Variants in ANO4 observed in about 807,000 individuals in gnomAD.
ANO4 encodes the protein anoctamin-4.
A neutral mutation model predicts 141.9 loss-of-function variants in ANO4; 69 were observed. The ratio of observed to expected loss-of-function variants is 0.49; its 90% CI spans 0.40 to 0.59. ANO4 has a LOEUF of 0.59. ANO4 is among the 20% of genes least tolerant of loss of function. The probability of loss-of-function intolerance (pLI) is 0.00; values close to 1 mark genes in which losing one functional copy is unlikely to be tolerated. For synonymous variants in ANO4, 350 were observed against 394.3 expected, an observed-to-expected ratio of 0.89 and a Z score of 1.33; for missense variants, 894 against 1,162.2, an observed-to-expected ratio of 0.77 and a Z score of 3.36.
rs182218427 is a variant in ANO4 at position 100,948,667 on chromosome 12, G to A, written c.456+6132G>A. 1.3e-3 allele frequency among the ~76,000 whole-genome samples: 200 copies of A among 152,222 alleles called. 1 individual carries two copies. The highest frequency in any genetic ancestry group is 4.8e-3 in the African/African-American group (198 of 41,550). On this transcript the variant is annotated intron_variant, in intron 5 of 27. Transcript: ENST00000392977. ...ATATTGTAGATGGTATTACAAATTT[G>A]ACAAAAATTGTGAAGGTGGCCCGCG...
chr12:100,791,126 C>T (rs1283462124), upstream of ANO4, among the ~76,000 whole-genome samples: 1 of 152,128 alleles, frequency 6.6e-6, no homozygotes, highest in Non-Finnish European at 1.5e-5. Flanking sequence ...TGCCTGTAAT[C>T]CTAGCACTTT....
At chr12:100,833,302 A>G (rs939608820) in intron 1 of ANO4, among the ~76,000 whole-genome samples, 1 of 152,182 alleles carries the variant, frequency 6.6e-6, no homozygotes, top group African/African-American at 2.4e-5. Flanking sequence ...ATGCAGCTCA[A>G]GATAAACATT....
chr12:100,731,278 C>T (rs563917563), intron 1 of ANO4, among the ~76,000 whole-genome samples: 1 of 152,294 alleles, frequency 6.6e-6, no homozygotes, highest in South Asian at 2.1e-4. Flanking sequence ...TTTAATATGA[C>T]TCTTGTAACC....
chr12:101,073,595 T>TAATAAA (rs1392541869), intron 14 of ANO4, among the ~76,000 whole-genome samples: 1 of 146,556 alleles, frequency 6.8e-6, no homozygotes, highest in African/African-American at 2.5e-5. Flanking sequence ...ATAATAATAA[T>TAATAAA]AAAAGAAAAT....
rs528153460 is a variant in ANO4 at position 101,085,390 on chromosome 12, A to G, written c.1537-1270A>G. On this transcript the variant is annotated intron_variant, in intron 16 of 27. Transcript: ENST00000392977. ...TGGAAATTTTTTTTAAAAAAAGGTT[A>G]GTTGTAGCTGTACTGAACATGTACA... is the stretch of plus-strand genomic sequence containing the variant. Among the ~76,000 whole-genome samples, 99 of 152,328 alleles carry G rather than the reference A, an allele frequency of 6.5e-4. 1 individual carries two copies. Among genetic ancestry groups the G allele is most frequent in the Middle Eastern group, 6.8e-3 (2 of 294 alleles).
intron 8 of ANO4, among the ~76,000 whole-genome samples, chr12:101,001,740 A>G (rs1592980031): frequency 6.6e-6 from 1 of 152,124 alleles, no homozygotes; most frequent in South Asian, 2.1e-4. Flanking sequence ...AAACACCCTG[A>G]GCAGCTGGGG....
At position 101,105,784 on chromosome 12, in the gene ANO4, G is replaced by A. The variant is rs144413213; in HGVS notation, c.2150-4620G>A. Among the ~76,000 whole-genome samples the A allele has an allele frequency of 3.7e-3, 568 of 152,236 alleles. 7 individuals carry two copies. Among genetic ancestry groups the A allele is most frequent in the African/African-American group, 0.013 (542 of 41,558 alleles). On this transcript the variant is annotated intron_variant, in intron 22 of 27. Coordinates refer to ENST00000392977, the MANE Select transcript of ANO4 (RefSeq NM_001286615.2). ...AAATCTATAAAATAACTCTAGAATT[G>A]CAAAATATAAATCTGGAATTAAGAA...
intron 1 of ANO4, chr12:100,885,570 T>C (rs1379828792): frequency 6.6e-6 from 1 of 152,226 alleles, no homozygotes; most frequent in Non-Finnish European, 1.5e-5. Flanking sequence ...TCTCTGTAAC[T>C]CAGTTTTCTC....
chr12:100,933,190 T>C (rs529366644), intron 3 of ANO4, among the ~76,000 whole-genome samples: 1 of 152,166 alleles, frequency 6.6e-6, no homozygotes, highest in East Asian at 1.9e-4. Flanking sequence ...TACATAGGTA[T>C]ACATGTGCCA....
chr12:101,086,935 A>G (rs982507611), intron 17 of ANO4, 111 bp downstream of exon 17: 1 of 1,244,644 alleles, frequency 8.0e-7, no homozygotes, highest in African/African-American at 1.5e-5. Context: ...CCATTCACAT[A>G]GCACTGATGT....
At chr12:100,743,271 TA>T (rs2031955739) in intron 3 of ANO4, among the ~76,000 whole-genome samples, 1 of 150,412 alleles carries the variant, frequency 6.6e-6, no homozygotes, top group East Asian at 1.9e-4. Flanking sequence ...TAAAATATTT[TA>T]AAATATATAT....
rs182306285 is a variant in ANO4, at chr12:100,914,889, A to G, written c.56-7337A>G. On this transcript the variant is annotated intron_variant, in intron 2 of 27. Coordinates refer to ENST00000392977, the MANE Select transcript of ANO4 (RefSeq NM_001286615.2). ...GAGTGCAGTGGCATGATCATAGCTC[A>G]CTTCAGCCTCAAACTCCTGGGCTCA... Among the ~76,000 whole-genome samples the G allele has an allele frequency of 2.0e-5, 3 of 152,146 alleles. No individual in the cohort carries two copies. In the South Asian group the frequency reaches 6.2e-4, roughly 32 times the overall value.
chr12:101,097,593 A>G (rs2050034895), intron 19 of ANO4, 58 bp from the exon 20 acceptor site: 1 of 1,504,972 alleles, frequency 6.6e-7, no homozygotes, highest in East Asian at 2.3e-5. Flanking sequence ...TAAATGTAAT[A>G]TTCGCTGAAA....
chr12:100,954,979 G>A (rs1365553070), intron 5 of ANO4, among the ~76,000 whole-genome samples: 2 of 152,124 alleles, frequency 1.3e-5, no homozygotes, highest in Non-Finnish European at 2.9e-5. Flanking sequence ...GGAAAGACAA[G>A]CTAAAAATTC....
At chr12:100,970,667 T>TCCCTC (rs1409594799) in intron 5 of ANO4, among the ~76,000 whole-genome samples, 1 of 20,216 alleles carries the variant, frequency 4.9e-5, no homozygotes, top group East Asian at 2.7e-3. Context: ...CTCCCTCTCC[T>TCCCTC]TCCTTCCTTC....
chr12:101,070,294 G>A (rs776111659), intron 14 of ANO4, among the ~76,000 whole-genome samples: 1 of 151,924 alleles, frequency 6.6e-6, no homozygotes, highest in Non-Finnish European at 1.5e-5. Flanking sequence ...AACCAAAAAG[G>A]CCAAGTACTA....
At chr12:100,908,357 A>G (rs745437824) in intron 2 of ANO4, among the ~76,000 whole-genome samples, 74 of 152,302 alleles carry the variant, frequency 4.9e-4, no homozygotes, top group Middle Eastern at 3.4e-3. Flanking sequence ...CAAAAAAACA[A>G]AAACAAAACA....
chr12:100,903,528 C>G (rs1357872438), intron 2 of ANO4, among the ~76,000 whole-genome samples: 1 of 152,114 alleles, frequency 6.6e-6, no homozygotes, highest in African/African-American at 2.4e-5. Flanking sequence ...ATTTTTTGCC[C>G]TCTTCTTCCT....
At chr12:100,901,862 C>T (rs201282743) in intron 2 of ANO4, 22 bp downstream of exon 2, 41 of 1,572,672 alleles carry the variant, frequency 2.6e-5, no homozygotes, top group South Asian at 3.5e-5. Context: ...GGAAGTTCAA[C>T]GGGGACCCAT....
Sources: allele counts gnomAD v4.1 joint callset (sites outside exome capture counted in the v4.1 genomes callset), GRCh38; gene constraint gnomAD v4.1.1; transcripts MANE v1.5; gene names NCBI Gene and HGNC (gene_info 2026-07-23, HGNC 2026-07-21).